Variants in SELP observed in about 807,000 individuals in gnomAD.
The protein encoded by SELP is P-selectin.
In SELP, 92 loss-of-function variants were observed where a neutral mutation model predicts 104.1. That is an observed-to-expected ratio of 0.88 (90% CI 0.75 to 1.05). The LOEUF (loss-of-function observed/expected upper bound fraction) is 1.05. SELP is among the 50% of genes least tolerant of loss of function. The pLI is 0.00. For synonymous variants in SELP, 397 were observed against 364.5 expected, an observed-to-expected ratio of 1.09 and a Z score of -1.01; for missense variants, 1,022 against 1,017.3, an observed-to-expected ratio of 1.00 and a Z score of -0.06.
intron 11 of SELP, among the ~76,000 whole-genome samples, chr1:169,596,769 A>G (rs1214259171): frequency 3.3e-5 from 5 of 152,256 alleles, no homozygotes; most frequent in Non-Finnish European, 5.9e-5. Context: ...AAAAGAAGCC[A>G]TGAAACAAAA....
At chr1:169,593,511 G>T in intron 14 of SELP, 94 bp downstream of exon 14, 1 of 1,002,400 alleles carries the variant, frequency 1.0e-6, no homozygotes, top group Non-Finnish European at 1.5e-6. Flanking sequence ...AACTACTGAA[G>T]TTGTGGTTTT....
Position 169,617,342 on chromosome 1 carries a change from G to A in SELP, c.167C>T (p.Ser56Phe), listed in dbSNP as rs1662873244. The change falls in exon 3 of 17, where the codon TCC (serine) becomes TTC (phenylalanine). Residue 56 changes from serine (S) to phenylalanine (F), a missense_variant. Transcript: ENST00000263686. ...YSTKAYSWNI[S>F]RKYCQNRYTD... ...GTAGCGATTCTGGCAGTATTTACGG[G>A]AAATATTCCATGAGTATGCTTTTGT... The A allele has an allele frequency of 6.2e-7, 1 of 1,614,054 alleles. No homozygotes were observed. Among genetic ancestry groups the A allele is most frequent in the Non-Finnish European group, 8.5e-7 (1 of 1,179,980 alleles).
At chr1:169,591,281 T>G in intron 15 of SELP, 145 bp downstream of exon 15, 1 of 514,606 alleles carries the variant, frequency 1.9e-6, no homozygotes, top group South Asian at 2.5e-5. Flanking sequence ...TATCTGTGTA[T>G]TTTACTTCAG....
Position 169,612,930 on chromosome 1 carries a change from T to TA in SELP, c.773dup (p.Leu258PhefsTer12), listed in dbSNP as rs1662618880. 6.2e-7 allele frequency: 1 copy of TA among 1,608,166 alleles called. No individual in the cohort carries two copies. The highest frequency in any genetic ancestry group is 8.5e-7 in the Non-Finnish European group (1 of 1,176,428). On this transcript the variant is annotated frameshift_variant and splice_region_variant, in exon 5 of 17. Coordinates refer to ENST00000263686, the MANE Select transcript of SELP (RefSeq NM_003005.4). LOFTEE classifies it high-confidence loss of function. ...ATGAAAAGAATAAGGTCTACATACCTAAACACTGTGGAGGCTTATTTGTCC... is the reference window on the plus strand; with the variant it reads ...ATGAAAAGAATAAGGTCTACATACCTAAAACACTGTGGAGGCTTATTTGTCC...
At chr1:169,627,841 G>A (rs1663451134) in intron 1 of SELP, among the ~76,000 whole-genome samples, 1 of 152,174 alleles carries the variant, frequency 6.6e-6, no homozygotes, top group African/African-American at 2.4e-5. Flanking sequence ...ACATAAGGTG[G>A]TTAAAAGGTA....
intron 6 of SELP, 80 bp from the exon 7 acceptor site, chr1:169,611,757 T>A (rs1662548866): frequency 4.3e-6 from 6 of 1,389,496 alleles, no homozygotes; most frequent in Non-Finnish European, 6.0e-6. Context: ...TGGAACCACC[T>A]CTGAAATGCA....
chr1:169,610,942 T>C (rs1662498427), intron 7 of SELP, among the ~76,000 whole-genome samples: 1 of 152,194 alleles, frequency 6.6e-6, no homozygotes, highest in South Asian at 2.1e-4. Context: ...GTTGGGCTTG[T>C]CATCCAGGTC....
intron 1 of SELP, among the ~76,000 whole-genome samples, chr1:169,629,576 A>T (rs149879327): frequency 6.6e-5 from 10 of 152,364 alleles, no homozygotes; most frequent in African/African-American, 2.2e-4. Context: ...TCACAGAAAG[A>T]AATGGGAGGG....
chr1:169,603,341 G>T, intron 9 of SELP, 130 bp from the exon 10 acceptor site: 1 of 678,628 alleles, frequency 1.5e-6, no homozygotes. Context: ...GTGTGTGTGT[G>T]TGTGTGTGAT....
chr1:169,593,582 A>G, intron 14 of SELP, 23 bp downstream of exon 14: 1 of 1,606,122 alleles, frequency 6.2e-7, no homozygotes, highest in Non-Finnish European at 8.5e-7. Flanking sequence ...CAAGATGCAA[A>G]GAGAAGACTC....
intron 16 of SELP, among the ~76,000 whole-genome samples, chr1:169,589,839 T>C (rs997272544): frequency 1.3e-5 from 2 of 152,240 alleles, no homozygotes; most frequent in African/African-American, 4.8e-5. Context: ...TCCTGACTTC[T>C]GCTTTGCAGG....
intron 1 of SELP, among the ~76,000 whole-genome samples, chr1:169,621,706 T>A (rs1274561900): frequency 5.3e-5 from 8 of 152,196 alleles, no homozygotes; most frequent in Non-Finnish European, 1.5e-5. Flanking sequence ...TTGACTTTGG[T>A]AAGTAGGCAT....
intron 14 of SELP, among the ~76,000 whole-genome samples, chr1:169,592,667 TCTGATGAACA>T (rs1442415920): frequency 6.6e-6 from 1 of 152,202 alleles, no homozygotes; most frequent in Non-Finnish European, 1.5e-5. Context: ...TGATGAACAG[TCTGATGAACA>T]CAGTTTCCCT....
chr1:169,598,474 T>C (rs1394951942), intron 10 of SELP, among the ~76,000 whole-genome samples: 1 of 152,236 alleles, frequency 6.6e-6, no homozygotes, highest in South Asian at 2.1e-4. Flanking sequence ...GGATTATGGA[T>C]TCTTATTGCA....
chr1:169,609,772 T>G lies in SELP; in HGVS notation c.1148-83A>C, dbSNP rs1443221000. 2.3e-6 allele frequency: 3 copies of G among 1,285,104 alleles called. No individual in the cohort carries two copies. In the Admixed American group the frequency reaches 7.4e-5, roughly 32 times the overall value. The allele number at this position is 1,285,104 out of a possible 1,614,324, so 79.6% of individuals were successfully genotyped here. ...GAAAAAATTCCTAGATGCTATATCT[T>G]TCCTGTCCACATTTTCAGTGTGTTC... On this transcript the variant is annotated intron_variant, in intron 7 of 16. Coordinates refer to ENST00000263686, the MANE Select transcript of SELP (RefSeq NM_003005.4).
chr1:169,606,842 C>T (rs1662228316), intron 9 of SELP, 107 bp downstream of exon 9: 1 of 1,002,882 alleles, frequency 1.0e-6, no homozygotes, highest in Non-Finnish European at 1.5e-6. Flanking sequence ...ATGAATTTTC[C>T]AGTCCATTTC....
At chr1:169,606,061 A>G (rs1422759278) in intron 9 of SELP, among the ~76,000 whole-genome samples, 3 of 152,216 alleles carry the variant, frequency 2.0e-5, no homozygotes, top group Non-Finnish European at 4.4e-5. Flanking sequence ...TCACACCTGT[A>G]ATACCAGCAC....
At chr1:169,616,759 T>A (rs1445070854) in intron 3 of SELP, among the ~76,000 whole-genome samples, 1 of 152,178 alleles carries the variant, frequency 6.6e-6, no homozygotes, top group East Asian at 1.9e-4. Context: ...AACTAAAACC[T>A]CGTGAGTGTC....
intron 15 of SELP, among the ~76,000 whole-genome samples, chr1:169,590,732 G>T (rs1661318210): frequency 6.6e-6 from 1 of 152,162 alleles, no homozygotes; most frequent in South Asian, 2.1e-4. Context: ...CTCAATGTCA[G>T]TAGAACTCTT....
Sources: gnomAD v4.1 joint callset for allele counts (sites outside exome capture counted in the v4.1 genomes callset) on GRCh38, gnomAD v4.1.1 for gene constraint, MANE v1.5 for transcripts, NCBI Gene and HGNC (gene_info 2026-07-23, HGNC 2026-07-21) for gene names.